RAB11FIP3: variants seen among roughly 807,000 people sequenced by gnomAD.
RAB11FIP3 encodes the protein rab11 family-interacting protein 3.
Under a neutral mutation model 77.8 loss-of-function variants are expected in RAB11FIP3, and 17 were observed. The ratio of observed to expected loss-of-function variants is 0.22; its 90% CI spans 0.15 to 0.33. The LOEUF is 0.33. RAB11FIP3 is among the 10% of genes least tolerant of loss of function. The pLI, the probability that RAB11FIP3 is intolerant of heterozygous loss-of-function variation, is 1.00. For missense variants in RAB11FIP3, 1,005 were observed against 1,011.2 expected, an observed-to-expected ratio of 0.99 and a Z score of 0.08; for synonymous variants, 437 against 448.2, an observed-to-expected ratio of 0.98 and a Z score of 0.31.
chr16:499,214 A>C (rs1279307721), intron 6 of RAB11FIP3, among the ~76,000 whole-genome samples: 1 of 152,226 alleles, frequency 6.6e-6, no homozygotes, highest in African/African-American at 2.4e-5. Flanking sequence ...CTCCATCTCA[A>C]AAAAAGAAAG....
chr16:494,715 C>T (rs1281857362), intron 5 of RAB11FIP3, among the ~76,000 whole-genome samples: 1 of 151,720 alleles, frequency 6.6e-6, no homozygotes, highest in Non-Finnish European at 1.5e-5. Context: ...TTTAATACTA[C>T]AAAGAATGGG....
In RAB11FIP3 at chr16:473,351, T is replaced by C. The variant is rs563902877; in HGVS notation, c.903+1962T>C. ...AAGTTTTTTGACTTAAAAAAATGAA[T>C]ATGCTTCATGTTTTAGAGCAATTTT... On this transcript the variant is annotated intron_variant, in intron 3 of 13. Transcript: ENST00000262305. Among the ~76,000 whole-genome samples the C allele has an allele frequency of 4.6e-5, 7 of 152,360 alleles. No individual in the cohort carries two copies. The East Asian group carries it at 1.3e-3, about 29-fold the overall frequency.
At chr16:488,557 C>G (rs527737888) in intron 4 of RAB11FIP3, among the ~76,000 whole-genome samples, 96 of 152,108 alleles carry the variant, frequency 6.3e-4, no homozygotes, top group African/African-American at 2.2e-3. Flanking sequence ...TACAGTCGTG[C>G]GCATCCATGC....
chr16:472,201 A>T lies in RAB11FIP3; in HGVS notation c.903+812A>T, dbSNP rs1233944303. The stretch of plus-strand genomic sequence containing the variant: ...CTTTTGGACGCCACTGTACCGTGGG[A>T]GCCATGGTATTATACTCAGTTCCCT... On this transcript the variant is annotated intron_variant, in intron 3 of 13. Transcript: ENST00000262305. This position sits in a 1 kb window ranked among gnomAD's most constrained non-coding sequence, Gnocchi z 4.1. 6.6e-6 allele frequency among the ~76,000 whole-genome samples: 1 copy of T among 152,110 alleles called. No homozygotes were observed. Among genetic ancestry groups the T allele is most frequent in the Non-Finnish European group, 1.5e-5 (1 of 68,006 alleles).
intron 3 of RAB11FIP3, among the ~76,000 whole-genome samples, chr16:475,901 G>T (rs2055898031): frequency 6.6e-6 from 1 of 151,996 alleles, no homozygotes; most frequent in South Asian, 2.1e-4. Context: ...CTGTCACCCA[G>T]GCTGGAGTGC....
At chr16:438,560 C>G (rs925895406) in intron 1 of RAB11FIP3, among the ~76,000 whole-genome samples, 1 of 150,560 alleles carries the variant, frequency 6.6e-6, no homozygotes, top group African/African-American at 2.4e-5. Flanking sequence ...TGCACGCCAC[C>G]ACGCCTGGCT....
intron 4 of RAB11FIP3, among the ~76,000 whole-genome samples, chr16:483,849 A>T (rs2056096649): frequency 6.6e-6 from 1 of 151,880 alleles, no homozygotes; most frequent in African/African-American, 2.4e-5. Flanking sequence ...TTTCAAACAA[A>T]CAACTGCCAG....
rs2031880922 is a variant in RAB11FIP3, at chr16:506,492, G to A, written c.1499+865G>A. Among the ~76,000 whole-genome samples, 1 of 152,122 alleles carries A rather than the reference G, an allele frequency of 6.6e-6. No homozygotes were observed. Among genetic ancestry groups the A allele is most frequent in the Non-Finnish European group, 1.5e-5 (1 of 68,022 alleles). Reference sequence around the variant, plus strand: ...GGCTCTTCCACATATTCTCAGCTCGGCCAAGGGCCCTGTCCCTTGAAGCTT... The same window carrying A: ...GGCTCTTCCACATATTCTCAGCTCGACCAAGGGCCCTGTCCCTTGAAGCTT... On this transcript the variant is annotated intron_variant, in intron 8 of 13. Coordinates refer to ENST00000262305, the MANE Select transcript of RAB11FIP3 (RefSeq NM_014700.4). The surrounding 1 kb of genome is among the most constrained non-coding windows in gnomAD (Gnocchi z 4.5).
chr16:461,734 C>T lies in RAB11FIP3; in HGVS notation c.808+237C>T, dbSNP rs771752885. On this transcript the variant is annotated intron_variant, in intron 2 of 13. Transcript: ENST00000262305. The surrounding 1 kb of genome is among the most constrained non-coding windows in gnomAD (Gnocchi z 4.5). ...ACTTTTCCATAATGCTAGAAAGCAA[C>T]TGCCCCCTTCCTCAAAGATTTCATG... is the stretch of plus-strand genomic sequence containing the variant. Among the ~76,000 whole-genome samples, 20 of 152,144 alleles carry T rather than the reference C, an allele frequency of 1.3e-4. No individual in the cohort carries two copies. The highest frequency in any genetic ancestry group is 2.8e-4 in the Non-Finnish European group (19 of 68,032).
At chr16:482,778 G>A in intron 4 of RAB11FIP3, 42 bp downstream of exon 4, 1 of 1,539,358 alleles carries the variant, frequency 6.5e-7, no homozygotes. Context: ...GCCTTGGGAT[G>A]TGGCACCCTG....
chr16:522,044 T>TGTGTGCGTGCGTGC lies in RAB11FIP3; in HGVS notation c.*1205_*1206insGTGTGCGTGCGTGC, dbSNP rs58290701. ...CGCTGCGTGTGTGTGCGCGCGCGTG[T>TGTGTGCGTGCGTGC]ACGTGTGGCCCCACATCCGCCGCCT... On this transcript the variant is annotated 3_prime_UTR_variant, in exon 14 of 14. Coordinates refer to ENST00000262305, the MANE Select transcript of RAB11FIP3 (RefSeq NM_014700.4). 6.6e-6 allele frequency: 1 copy of TGTGTGCGTGCGTGC among 151,732 alleles called. No homozygotes were observed. Among genetic ancestry groups the TGTGTGCGTGCGTGC allele is most frequent in the African/African-American group, 2.4e-5 (1 of 41,226 alleles). 9.4% of individuals were successfully genotyped at this position (151,732 alleles called of 1,614,324 possible).
At chr16:492,394 C>CCCGGGAGATCCGAGGCCGCCCAGGGCCCT in intron 5 of RAB11FIP3, among the ~76,000 whole-genome samples, 2 of 32,120 alleles carry the variant, frequency 6.2e-5, no homozygotes, top group Non-Finnish European at 1.3e-4. Context: ...CCAGAGCCCT[C>CCCGGGAGATCCGAGGCCGCCCAGGGCCCT]CCCGGGAGAC....
intron 5 of RAB11FIP3, chr16:491,303 C>T (rs1390320587): frequency 1.5e-6 from 2 of 1,295,722 alleles, no homozygotes; most frequent in South Asian, 1.2e-5. Flanking sequence ...CTGTCTGTTC[C>T]CAGGGTGTGG....
chr16:497,156 A>G, intron 6 of RAB11FIP3: 2 of 752,516 alleles, frequency 2.7e-6, no homozygotes, highest in Non-Finnish European at 2.0e-6. Flanking sequence ...TGTCTGCTCT[A>G]TGTTAGCTCT....
Position 462,409 on chromosome 16 carries a change from A to G in RAB11FIP3, c.808+912A>G, listed in dbSNP as rs149870364. Among the ~76,000 whole-genome samples, 333 of 152,176 alleles carry G rather than the reference A, an allele frequency of 2.2e-3. 1 individual carries two copies. Among genetic ancestry groups the G allele is most frequent in the African/African-American group, 7.4e-3 (307 of 41,514 alleles). On this transcript the variant is annotated intron_variant, in intron 2 of 13. Coordinates refer to ENST00000262305, the MANE Select transcript of RAB11FIP3 (RefSeq NM_014700.4). ...ATACAAAACATATAAAAATTTTTGT[A>G]TTTTTAGTAGAGACGGGGTTTCACC...
At chr16:484,179 A>C (rs546514597) in intron 4 of RAB11FIP3, among the ~76,000 whole-genome samples, 41 of 152,124 alleles carry the variant, frequency 2.7e-4, no homozygotes, top group Admixed American at 5.9e-4. Context: ...CAAACTGACC[A>C]TTCCCACGGC....
chr16:427,588 C>G (rs1395532727), intron 1 of RAB11FIP3, among the ~76,000 whole-genome samples: 3 of 152,210 alleles, frequency 2.0e-5, no homozygotes, highest in Non-Finnish European at 4.4e-5. Context: ...CTGCCAATAA[C>G]CCGGTGGACA....
At chr16:459,539 C>T (rs963579419) in intron 1 of RAB11FIP3, among the ~76,000 whole-genome samples, 6 of 151,320 alleles carry the variant, frequency 4.0e-5, no homozygotes, top group Admixed American at 1.3e-4. Flanking sequence ...CGGGTTCAAG[C>T]GATTCTCCAG....
chr16:466,038 T>C (rs1395726703), intron 2 of RAB11FIP3, among the ~76,000 whole-genome samples: 3 of 152,276 alleles, frequency 2.0e-5, no homozygotes, highest in Admixed American at 2.0e-4. Flanking sequence ...TTACAACCCA[T>C]TTCCTCGGTG....
Sources: allele counts gnomAD v4.1 joint callset (sites outside exome capture counted in the v4.1 genomes callset), GRCh38; gene constraint gnomAD v4.1.1; non-coding constraint Gnocchi (gnomAD v3.1); transcripts MANE v1.5; gene names NCBI Gene and HGNC (gene_info 2026-07-23, HGNC 2026-07-21).